YJU2: variants seen among roughly 807,000 people sequenced by gnomAD.
YJU2 encodes the protein YJU2 splicing factor homolog, also known as splicing factor YJU2.
YJU2 carries 28 observed loss-of-function variants against 39.6 expected under a neutral mutation model. That is an observed-to-expected ratio of 0.71 (90% CI 0.52 to 0.97). YJU2 has a LOEUF of 0.97. Among genes scored for constraint, YJU2 ranks in the 50% least tolerant of loss-of-function variants. YJU2 has a pLI of 0.00. For missense variants in YJU2, 328 were observed against 430.4 expected (o/e 0.76, Z 2.11); for synonymous variants, 184 against 182.4 (o/e 1.01, Z -0.07).
intron 3 of YJU2, among the ~76,000 whole-genome samples, chr19:4,251,633 G>A (rs964026359): frequency 2.7e-5 from 4 of 148,402 alleles, no homozygotes; most frequent in African/African-American, 5.0e-5. Flanking sequence ...TGCAGTGAGC[G>A]AAGATTGCAC....
intron 3 of YJU2, among the ~76,000 whole-genome samples, chr19:4,253,230 C>T (rs1599497296): frequency 6.6e-6 from 1 of 150,700 alleles, no homozygotes; most frequent in Admixed American, 6.6e-5. Flanking sequence ...CACACACACA[C>T]ACACACAAAT....
intron 5 of YJU2, among the ~76,000 whole-genome samples, chr19:4,258,626 C>T (rs878879010): frequency 1.1e-4 from 17 of 152,240 alleles, no homozygotes; most frequent in African/African-American, 2.7e-4. Context: ...AGCACGTGGT[C>T]GCCCGCATGG....
intron 5 of YJU2, among the ~76,000 whole-genome samples, chr19:4,259,354 C>T (rs1345285883): frequency 6.6e-6 from 1 of 151,958 alleles, no homozygotes; most frequent in East Asian, 1.9e-4. Context: ...GCTGGGATTG[C>T]AGGCGTGAGC....
chr19:4,247,582 CGT>C, intron 1 of YJU2, among the ~76,000 whole-genome samples: 1 of 27,332 alleles, frequency 3.7e-5, no homozygotes, highest in East Asian at 1.4e-3. Context: ...TGGGGTGGCG[CGT>C]GTGTGTGTGT....
At chr19:4,258,096 G>T in intron 4 of YJU2, 146 bp from the exon 5 acceptor site, 1 of 1,189,178 alleles carries the variant, frequency 8.4e-7, no homozygotes, top group Non-Finnish European at 1.2e-6. Flanking sequence ...ACACAGCGCT[G>T]GGCATGGGCA....
Position 4,262,195 on chromosome 19 carries a change from T to C in YJU2, c.708+81T>C, listed in dbSNP as rs78673848. On this transcript the variant is annotated intron_variant, in intron 6 of 7. Transcript: ENST00000262962. ...CCAGGGGTCAGCTTGACTTTTTCTT[T>C]TGTTTTTTGTTTTTGTTTTTTGAGA... is the stretch of plus-strand genomic sequence containing the variant. 1,004 of 1,446,406 alleles carry C rather than the reference T, an allele frequency of 6.9e-4. 18 individuals carry two copies. In the East Asian group the frequency reaches 0.02, roughly 28 times the overall value. The allele number at this position is 1,446,406 out of a possible 1,614,324, so 89.6% of individuals were successfully genotyped here.
intron 5 of YJU2, among the ~76,000 whole-genome samples, chr19:4,261,607 G>A (rs1971071227): frequency 6.6e-6 from 1 of 152,142 alleles, no homozygotes; most frequent in African/African-American, 2.4e-5. Flanking sequence ...GTTGCAGTGA[G>A]CCAAGATTGC....
intron 3 of YJU2, among the ~76,000 whole-genome samples, chr19:4,251,832 CA>C (rs1403816433): frequency 1.3e-5 from 2 of 149,892 alleles, no homozygotes; most frequent in Non-Finnish European, 3.0e-5. Flanking sequence ...ACTAAAAATA[CA>C]AAAGTGAGCC....
At chr19:4,249,203 C>T (rs201409768) in intron 1 of YJU2, 25 bp from the exon 2 acceptor site, 1 of 1,523,810 alleles carries the variant, frequency 6.6e-7, no homozygotes, top group African/African-American at 1.4e-5. Flanking sequence ...AATAACTCCC[C>T]CAACGTTTCC....
At chr19:4,247,660 T>C (rs1463912164) in intron 1 of YJU2, among the ~76,000 whole-genome samples, 804 of 73,158 alleles carry the variant, frequency 0.011, 112 homozygotes, top group African/African-American at 0.028. Context: ...TGTGTGTGTG[T>C]GTGTGTGTGT....
At chr19:4,266,937 A>T (rs1038494244) in intron 6 of YJU2, among the ~76,000 whole-genome samples, 1 of 152,228 alleles carries the variant, frequency 6.6e-6, no homozygotes, top group African/African-American at 2.4e-5. Flanking sequence ...ACTGCACTCC[A>T]GCCTGGGCAA....
In YJU2 at chr19:4,268,711, C is replaced by T. The variant is rs113901167; in HGVS notation, c.*15C>T. On this transcript the variant is annotated 3_prime_UTR_variant, in exon 8 of 8. Coordinates refer to ENST00000262962, the MANE Select transcript of YJU2 (RefSeq NM_018074.6). The stretch of plus-strand genomic sequence containing the variant: ...GCAGCAACTGAGCCCTCCCAGGACC[C>T]CCTCACGGGGTCAAAGTCACACGTC... 3 of 1,582,020 alleles carry T rather than the reference C, an allele frequency of 1.9e-6. No homozygotes were observed. The African/African-American group carries it at 4.0e-5, about 21-fold the overall frequency.
At position 4,247,633 on chromosome 19, in the gene YJU2, GTGTGTGTGTGTGTGTGT is replaced by G. The variant is rs1970938412; in HGVS notation, c.24+464_24+480del. Among the ~76,000 whole-genome samples, 50 of 64,320 alleles carry G rather than the reference GTGTGTGTGTGTGTGTGT, an allele frequency of 7.8e-4. 7 individuals are homozygous for G. The highest frequency in any genetic ancestry group is 2.4e-3 in the South Asian group (3 of 1,228). The allele number at this position is 64,320 out of a possible 152,430, so 42.2% of individuals were successfully genotyped here. A position where few individuals can be genotyped will look rare whatever the true frequency, so the allele number is the denominator to read the frequency against. On this transcript the variant is annotated intron_variant, in intron 1 of 7. Transcript: ENST00000262962. ...TGTGTGTGTGTGTGTGTGTGTGTGTGTGTGTGTGTGTGTGTGTGTGTGTGTGTGTGTGTGTGTGTGTG... is the reference window on the plus strand; with the variant it reads ...TGTGTGTGTGTGTGTGTGTGTGTGTGGTGTGTGTGTGTGTGTGTGTGTGTG...
At chr19:4,259,568 C>T (rs1971054708) in intron 5 of YJU2, among the ~76,000 whole-genome samples, 1 of 152,068 alleles carries the variant, frequency 6.6e-6, no homozygotes, top group South Asian at 2.1e-4. Flanking sequence ...TCTGTAGAGA[C>T]AGGACCTCGC....
chr19:4,252,258 G>A (rs962798426), intron 3 of YJU2, among the ~76,000 whole-genome samples: 6 of 151,604 alleles, frequency 4.0e-5, no homozygotes, highest in East Asian at 1.9e-4. Context: ...TCAGGAGTTC[G>A]AGACCAGCCT....
Position 4,262,120 on chromosome 19 carries a change from TGGGGTGCCTGA to T in YJU2, c.708+8_708+18del. The stretch of plus-strand genomic sequence containing the variant: ...CCACCGCCATCCTGGATGAGGTAAG[TGGGGTGCCTGA>T]GTCCTGGGGGCTCCCAGGTGAACTA... On this transcript the variant is annotated splice_region_variant and intron_variant, in intron 6 of 7. Transcript: ENST00000262962. 6.2e-7 allele frequency: 1 copy of T among 1,604,322 alleles called. No homozygotes were observed. Among genetic ancestry groups the T allele is most frequent in the Non-Finnish European group, 8.5e-7 (1 of 1,176,640 alleles).
chr19:4,255,148 C>G (rs751056417), intron 4 of YJU2, among the ~76,000 whole-genome samples: 1 of 150,734 alleles, frequency 6.6e-6, no homozygotes, highest in African/African-American at 2.4e-5. Flanking sequence ...TGCATGAACC[C>G]GGGAGGCAGA....
At position 4,254,429 on chromosome 19, in the gene YJU2, G is replaced by A. The variant is rs1205680776; in HGVS notation, c.345G>A (p.Glu115=). 6.2e-6 allele frequency: 10 copies of A among 1,613,600 alleles called. No homozygotes were observed. The highest frequency in any genetic ancestry group is 8.5e-6 in the Non-Finnish European group (10 of 1,179,776). ...ATTTCCAGGCTGAGAAGCTCCTGGA[G>A]GAGGAGGAGAAGAGGGTGCAGAAGG... ...TRNFQAEKLL[E]EEEKRVQKER... Residue 115 remains glutamate (E), a synonymous_variant, in exon 4 of 8, where the codon GAG becomes GAA. Transcript: ENST00000262962.
At chr19:4,264,419 CA>C (rs1015028017) in intron 6 of YJU2, among the ~76,000 whole-genome samples, 8 of 150,562 alleles carry the variant, frequency 5.3e-5, no homozygotes, top group Non-Finnish European at 1.2e-4. Flanking sequence ...GCAATCCTCC[CA>C]CCTCAGTCTC....
Sources: allele counts gnomAD v4.1 joint callset (sites outside exome capture counted in the v4.1 genomes callset), GRCh38; gene constraint gnomAD v4.1.1; transcripts MANE v1.5; gene names NCBI Gene and HGNC (gene_info 2026-07-23, HGNC 2026-07-21).